Variants in NEGR1 observed in about 807,000 individuals in gnomAD.
The protein encoded by NEGR1 is neuronal growth regulator 1.
Under a neutral mutation model 40.9 loss-of-function variants are expected in NEGR1, and 10 were observed. The ratio of observed to expected loss-of-function variants is 0.24; its 90% CI spans 0.15 to 0.42. The LOEUF (loss-of-function observed/expected upper bound fraction) is 0.42. Ranked by LOEUF, NEGR1 falls within the 10% of genes least tolerant of loss-of-function variation. NEGR1 has a pLI of 1.00. For missense variants in NEGR1, 352 were observed against 438.9 expected (o/e 0.80, Z 1.77); for synonymous variants, 185 against 166.8 (o/e 1.11, Z -0.84).
At chr1:71,691,388 AT>A (rs1346426199) in intron 4 of NEGR1, among the ~76,000 whole-genome samples, 2 of 151,754 alleles carry the variant, frequency 1.3e-5, no homozygotes, top group African/African-American at 4.8e-5. Context: ...TATTTTACTT[AT>A]TTTTTGGGTG....
chr1:71,740,592 T>G (rs576379562), intron 3 of NEGR1, among the ~76,000 whole-genome samples: 1 of 152,096 alleles, frequency 6.6e-6, no homozygotes, highest in East Asian at 1.9e-4. Context: ...ACAGTGGGGG[T>G]TTGGGTAGCT....
intron 2 of NEGR1, among the ~76,000 whole-genome samples, chr1:71,913,906 G>A (rs1335223510): frequency 1.3e-5 from 2 of 149,598 alleles, no homozygotes; most frequent in Non-Finnish European, 3.0e-5. Context: ...GTGTATGCAA[G>A]ACAAACAATA....
intron 1 of NEGR1, among the ~76,000 whole-genome samples, chr1:72,173,738 C>G (rs903737415): frequency 6.6e-6 from 1 of 151,996 alleles, no homozygotes; most frequent in Admixed American, 6.6e-5. Flanking sequence ...GTGAGGAGTT[C>G]GAGACAAGCC....
At chr1:71,967,878 T>C (rs943546533) in intron 1 of NEGR1, among the ~76,000 whole-genome samples, 4 of 152,194 alleles carry the variant, frequency 2.6e-5, no homozygotes, top group South Asian at 2.1e-4. Context: ...AGTGCCAATA[T>C]GCAGTATTCT....
At chr1:71,759,914 T>C (rs2101698616) in intron 3 of NEGR1, among the ~76,000 whole-genome samples, 1 of 152,192 alleles carries the variant, frequency 6.6e-6, no homozygotes, top group South Asian at 2.1e-4. Flanking sequence ...TGGCCCAAGA[T>C]AATAACTTTT....
At position 72,282,307 on chromosome 1, in the gene NEGR1, C is replaced by G. The variant is rs1242815651; in HGVS notation, c.176+12G>C. 6.2e-7 allele frequency: 1 copy of G among 1,613,092 alleles called. No homozygotes were observed. The highest frequency in any genetic ancestry group is 8.5e-7 in the Non-Finnish European group (1 of 1,179,380). The stretch of plus-strand genomic sequence containing the variant: ...ACCGAAACAAGTACGAAAAGCACGC[C>G]GTTCTTCCTACCTAAGCACCGCCGT... On this transcript the variant is annotated intron_variant, in intron 1 of 6. Coordinates refer to ENST00000357731, the MANE Select transcript of NEGR1 (RefSeq NM_173808.3).
intron 6 of NEGR1, among the ~76,000 whole-genome samples, chr1:71,434,181 TCAAA>T (rs1437512743): frequency 2.0e-5 from 3 of 152,110 alleles, no homozygotes; most frequent in Non-Finnish European, 4.4e-5. Flanking sequence ...CCTAGAAATA[TCAAA>T]CAAATTAAGA....
At chr1:72,189,324 A>C (rs530865896) in intron 1 of NEGR1, among the ~76,000 whole-genome samples, 2 of 151,564 alleles carry the variant, frequency 1.3e-5, no homozygotes, top group East Asian at 3.9e-4. Flanking sequence ...GGAATTTCAG[A>C]CTTCTTCTCA....
chr1:72,052,648 ACAAAGT>A (rs1339354092), intron 1 of NEGR1, among the ~76,000 whole-genome samples: 1 of 151,530 alleles, frequency 6.6e-6, no homozygotes, highest in Non-Finnish European at 1.5e-5. Flanking sequence ...TTAATTTTGA[ACAAAGT>A]CAAAGTTTCA....
chr1:71,549,527 A>G (rs1387227428), intron 6 of NEGR1, among the ~76,000 whole-genome samples: 6 of 151,722 alleles, frequency 4.0e-5, no homozygotes, highest in Non-Finnish European at 7.4e-5. Context: ...CTGGCCAAGC[A>G]CTAGAATCTC....
intron 2 of NEGR1, among the ~76,000 whole-genome samples, chr1:71,861,626 A>G (rs1047444913): frequency 2.0e-5 from 3 of 152,096 alleles, no homozygotes; most frequent in Non-Finnish European, 4.4e-5. Context: ...TGAGAAAGGA[A>G]TAACTTGTGC....
At chr1:72,160,209 T>C (rs1434061090) in intron 1 of NEGR1, among the ~76,000 whole-genome samples, 1 of 152,044 alleles carries the variant, frequency 6.6e-6, no homozygotes, top group Non-Finnish European at 1.5e-5. Context: ...TGCTACCATC[T>C]CAGAAGAAAC....
chr1:72,279,595 T>G (rs1656176205), intron 1 of NEGR1, among the ~76,000 whole-genome samples: 1 of 152,350 alleles, frequency 6.6e-6, no homozygotes, highest in East Asian at 1.9e-4. Flanking sequence ...GGTAGAATTT[T>G]GTTTTGTTTT....
intron 3 of NEGR1, among the ~76,000 whole-genome samples, chr1:71,759,831 A>G (rs1655880184): frequency 6.6e-6 from 1 of 150,816 alleles, no homozygotes; most frequent in Non-Finnish European, 1.5e-5. Flanking sequence ...ACTGGTCTTG[A>G]ACTCCTGGCC....
chr1:71,414,068 T>C (rs1021727956), intron 6 of NEGR1, among the ~76,000 whole-genome samples: 1 of 152,164 alleles, frequency 6.6e-6, no homozygotes, highest in Non-Finnish European at 1.5e-5. Flanking sequence ...TAATTCTGCT[T>C]CTGTAAGACA....
intron 6 of NEGR1, among the ~76,000 whole-genome samples, chr1:71,584,613 C>T (rs781254328): frequency 9.9e-5 from 15 of 152,140 alleles, no homozygotes; most frequent in African/African-American, 1.9e-4. Context: ...CACCTTATTA[C>T]GTGCTCAAAC....
At chr1:72,203,563 A>C (rs1438853026) in intron 1 of NEGR1, among the ~76,000 whole-genome samples, 1 of 152,144 alleles carries the variant, frequency 6.6e-6, no homozygotes, top group Non-Finnish European at 1.5e-5. Context: ...TGCAATTACA[A>C]TAAAGGTTTT....
intron 2 of NEGR1, among the ~76,000 whole-genome samples, chr1:71,811,676 G>T (rs900452737): frequency 6.6e-6 from 1 of 150,394 alleles, no homozygotes; most frequent in Admixed American, 6.6e-5. Context: ...TAGAATATAA[G>T]CCTGTTTTAG....
chr1:71,765,903 C>A (rs913059776), intron 3 of NEGR1, among the ~76,000 whole-genome samples: 1 of 151,714 alleles, frequency 6.6e-6, no homozygotes, highest in Non-Finnish European at 1.5e-5. Context: ...TGGCCAGGCG[C>A]GGTGGCTCAC....
Sources: allele counts gnomAD v4.1 joint callset (sites outside exome capture counted in the v4.1 genomes callset), GRCh38; gene constraint gnomAD v4.1.1; transcripts MANE v1.5; gene names NCBI Gene and HGNC (gene_info 2026-07-23, HGNC 2026-07-21).